Variants in MFHAS1 observed in about 807,000 individuals in gnomAD.
The protein encoded by MFHAS1 is multifunctional ROCO family signaling regulator 1.
Under a neutral mutation model 70.4 loss-of-function variants are expected in MFHAS1, and 50 were observed. The observed-to-expected ratio is 0.71, with a 90% CI of 0.57 to 0.90. The LOEUF is 0.90. Among genes scored for constraint, MFHAS1 ranks in the 40% least tolerant of loss-of-function variants. The pLI, the probability that MFHAS1 is intolerant of heterozygous loss-of-function variation, is 0.00. For synonymous variants in MFHAS1, 952 were observed against 620.0 expected, an observed-to-expected ratio of 1.54 and a Z score of -7.96; for missense variants, 1,795 against 1,347.6, an observed-to-expected ratio of 1.33 and a Z score of -5.20.
Position 8,820,257 on chromosome 8 carries a change from G to A in MFHAS1, c.2999-22766C>T, listed in dbSNP as rs569621373. ...AGACTGCTATGCTCCCCCTTCCCAA[G>A]TCCCCAGGGTTGGGACTGCTGTGCT... is the stretch of plus-strand genomic sequence containing the variant. On this transcript the variant is annotated intron_variant, in intron 1 of 2. Transcript: ENST00000276282. 4.0e-5 allele frequency among the ~76,000 whole-genome samples: 6 copies of A among 150,790 alleles called. No homozygotes were observed. The East Asian group carries it at 1.2e-3, about 29-fold the overall frequency.
At chr8:8,870,333 C>T (rs554587247) in intron 1 of MFHAS1, among the ~76,000 whole-genome samples, 2 of 150,732 alleles carry the variant, frequency 1.3e-5, no homozygotes, top group African/African-American at 4.9e-5. Context: ...GACATGGTGG[C>T]ACGCACCTAC....
intron 1 of MFHAS1, among the ~76,000 whole-genome samples, chr8:8,888,061 T>C (rs1256265901): frequency 6.6e-6 from 1 of 152,190 alleles, no homozygotes; most frequent in African/African-American, 2.4e-5. Flanking sequence ...TTATTCCATT[T>C]GGTATCACAA....
intron 2 of MFHAS1, among the ~76,000 whole-genome samples, chr8:8,790,688 T>C (rs145977450): frequency 6.6e-6 from 1 of 152,184 alleles, no homozygotes; most frequent in Non-Finnish European, 1.5e-5. Flanking sequence ...TGAAAAATTC[T>C]CCATTGTGAT....
chr8:8,830,068 A>G (rs1220847368), intron 1 of MFHAS1, among the ~76,000 whole-genome samples: 1 of 152,088 alleles, frequency 6.6e-6, no homozygotes, highest in Non-Finnish European at 1.5e-5. Context: ...TAGTCCAGGG[A>G]CCACATTTGA....
intron 1 of MFHAS1, among the ~76,000 whole-genome samples, chr8:8,829,114 A>T (rs933810506): frequency 1.3e-5 from 2 of 152,130 alleles, no homozygotes; most frequent in Non-Finnish European, 2.9e-5. Flanking sequence ...TGCTACTTTA[A>T]CATAAGGAAA....
chr8:8,848,973 G>C (rs1217993361), intron 1 of MFHAS1, among the ~76,000 whole-genome samples: 8 of 150,156 alleles, frequency 5.3e-5, no homozygotes, highest in Admixed American at 5.3e-4. Flanking sequence ...TTCTTAAATT[G>C]CTACATGATG....
chr8:8,885,544 T>C (rs1010301011), intron 1 of MFHAS1, among the ~76,000 whole-genome samples: 1 of 152,082 alleles, frequency 6.6e-6, no homozygotes, highest in South Asian at 2.1e-4. Context: ...GTCATACTGG[T>C]AGAACAGAAT....
intron 1 of MFHAS1, among the ~76,000 whole-genome samples, chr8:8,843,055 G>C (rs1045189783): frequency 6.6e-6 from 1 of 151,516 alleles, no homozygotes; most frequent in Non-Finnish European, 1.5e-5. Flanking sequence ...CATGAGGTCA[G>C]GAGATCGAGA....
chr8:8,824,408 G>C (rs1563190778), intron 1 of MFHAS1, among the ~76,000 whole-genome samples: 1 of 152,068 alleles, frequency 6.6e-6, no homozygotes, highest in Non-Finnish European at 1.5e-5. Context: ...AAAAGATCCA[G>C]TCTCCCTTAA....
intron 1 of MFHAS1, among the ~76,000 whole-genome samples, chr8:8,846,360 GAGGAGA>G (rs1348985599): frequency 4.6e-5 from 6 of 130,886 alleles, no homozygotes; most frequent in Non-Finnish European, 8.3e-5. Flanking sequence ...GGAGGGGGAG[GAGGAGA>G]AGGAGAAGGA....
In MFHAS1 at chr8:8,892,497, C is replaced by A. The variant is rs749990727; in HGVS notation, c.562G>T (p.Val188Leu). ...SCLSRLRTLDVDHNQLTAFPR... is the reference protein window; with the variant it reads ...SCLSRLRTLDLDHNQLTAFPR... ...AAGGCAGTGAGCTGGTTGTGATCCACGTCCAGGGTGCGCAGGCGGGAGAGG... is the reference window on the plus strand; with the variant it reads ...AAGGCAGTGAGCTGGTTGTGATCCAAGTCCAGGGTGCGCAGGCGGGAGAGG... The change falls in exon 1 of 3, where the codon GTG becomes TTG. Residue 188 changes from valine to leucine, a missense_variant. Transcript: ENST00000276282. The surrounding 1 kb of genome is among the most constrained non-coding windows in gnomAD (Gnocchi z 4.7). The A allele has an allele frequency of 2.5e-6, 4 of 1,605,014 alleles. No homozygotes were observed. Among genetic ancestry groups the A allele is most frequent in the Non-Finnish European group, 3.4e-6 (4 of 1,175,798 alleles).
At chr8:8,786,935 G>A (rs1242098807) in intron 2 of MFHAS1, among the ~76,000 whole-genome samples, 2 of 151,620 alleles carry the variant, frequency 1.3e-5, no homozygotes, top group African/African-American at 4.8e-5. Flanking sequence ...GCAAAGCAAA[G>A]CAAAACAAAA....
intron 1 of MFHAS1, among the ~76,000 whole-genome samples, chr8:8,808,162 C>T (rs1806402525): frequency 6.6e-6 from 1 of 151,926 alleles, no homozygotes; most frequent in South Asian, 2.1e-4. Flanking sequence ...TGTCCCCACA[C>T]TGTAGACTCT....
chr8:8,835,876 G>A (rs9650614), intron 1 of MFHAS1, among the ~76,000 whole-genome samples: 19,126 of 152,212 alleles, frequency 0.13, 1,267 homozygotes, highest in Middle Eastern at 0.16. Context: ...AAGTTTTATT[G>A]GAACTTAACC....
chr8:8,817,265 G>GA lies in MFHAS1; in HGVS notation c.2999-19775dup, dbSNP rs533545384. ...AAATTTACCCTGGCTTCTATGAAAG[G>GA]AAAAAAAAAAAGCACTTGATTTCTT... On this transcript the variant is annotated intron_variant, in intron 1 of 2. Transcript: ENST00000276282. Among the ~76,000 whole-genome samples, 645 of 142,144 alleles carry GA rather than the reference G, an allele frequency of 4.5e-3. 4 individuals are homozygous for GA. The highest frequency in any genetic ancestry group is 0.015 in the African/African-American group (587 of 38,840). The allele number at this position is 142,144 out of a possible 152,430, so 93.3% of individuals were successfully genotyped here. A position where few individuals can be genotyped will look rare whatever the true frequency, so the allele number is the denominator to read the frequency against.
At chr8:8,844,278 G>C (rs1460020232) in intron 1 of MFHAS1, among the ~76,000 whole-genome samples, 1 of 152,168 alleles carries the variant, frequency 6.6e-6, no homozygotes, top group African/African-American at 2.4e-5. Context: ...GTTAATCATT[G>C]TCTCAATATT....
At chr8:8,874,143 G>C (rs114809482) in intron 1 of MFHAS1, among the ~76,000 whole-genome samples, 1 of 151,916 alleles carries the variant, frequency 6.6e-6, no homozygotes, top group African/African-American at 2.4e-5. Context: ...AGAGTGTTCC[G>C]AGCACAGAGA....
At chr8:8,860,792 G>C (rs867592855) in intron 1 of MFHAS1, among the ~76,000 whole-genome samples, 1 of 152,196 alleles carries the variant, frequency 6.6e-6, no homozygotes, top group Non-Finnish European at 1.5e-5. Flanking sequence ...AAGGGTGAGA[G>C]AGATGTTTGC....
chr8:8,843,829 G>A (rs1381453903), intron 1 of MFHAS1, among the ~76,000 whole-genome samples: 5 of 152,096 alleles, frequency 3.3e-5, no homozygotes, highest in East Asian at 1.9e-4. Context: ...TAACTTTTAC[G>A]CTAAGGTCCA....
Sources: gnomAD v4.1 joint callset for allele counts (sites outside exome capture counted in the v4.1 genomes callset) on GRCh38, gnomAD v4.1.1 for gene constraint, Gnocchi (gnomAD v3.1) non-coding constraint, MANE v1.5 for transcripts, NCBI Gene and HGNC (gene_info 2026-07-23, HGNC 2026-07-21) for gene names.